Variants in TBC1D5 observed in about 807,000 individuals in gnomAD.
The protein encoded by TBC1D5 is TBC1 domain family, member 5.
In TBC1D5, 75 loss-of-function variants were observed where a neutral mutation model predicts 100.3. The ratio of observed to expected loss-of-function variants is 0.75; its 90% CI spans 0.62 to 0.91. The LOEUF is 0.91. TBC1D5 is among the 40% of genes least tolerant of loss of function. The pLI is 0.00. For synonymous variants in TBC1D5, 323 were observed against 325.6 expected, an observed-to-expected ratio of 0.99 and a Z score of 0.09; for missense variants, 910 against 942.4, an observed-to-expected ratio of 0.97 and a Z score of 0.45.
At chr3:17,446,704 G>A (rs1036579846) in intron 3 of TBC1D5, among the ~76,000 whole-genome samples, 9 of 152,220 alleles carry the variant, frequency 5.9e-5, no homozygotes, top group African/African-American at 2.2e-4. Flanking sequence ...GGGCGCGGTG[G>A]CTCGCGCCTG....
intron 1 of TBC1D5, among the ~76,000 whole-genome samples, chr3:17,656,079 T>A (rs893177242): frequency 3.3e-5 from 5 of 152,220 alleles, no homozygotes; most frequent in African/African-American, 9.7e-5. Context: ...GCCTAGAACA[T>A]CTTTCAGATT....
chr3:17,700,374 C>A (rs2072966691), intron 1 of TBC1D5, among the ~76,000 whole-genome samples: 1 of 152,104 alleles, frequency 6.6e-6, no homozygotes, highest in Non-Finnish European at 1.5e-5. Context: ...ACCATAAAAA[C>A]CCTAGAAGAA....
At chr3:17,405,387 A>G (rs2093744483) in intron 5 of TBC1D5, among the ~76,000 whole-genome samples, 1 of 152,088 alleles carries the variant, frequency 6.6e-6, no homozygotes, top group South Asian at 2.1e-4. Flanking sequence ...TTAGTGAACA[A>G]CAGTCTCACT....
intron 15 of TBC1D5, among the ~76,000 whole-genome samples, chr3:17,274,072 C>T (rs1238230527): frequency 2.7e-5 from 4 of 150,776 alleles, no homozygotes; most frequent in Non-Finnish European, 5.9e-5. Context: ...AAACAGAATG[C>T]TCATATTACC....
chr3:17,396,915 C>T (rs73156373), intron 8 of TBC1D5, among the ~76,000 whole-genome samples: 13,838 of 151,880 alleles, frequency 0.091, 1,407 homozygotes, highest in African/African-American at 0.25. Flanking sequence ...GCTGCTGGGG[C>T]GAGCATAATA....
intron 18 of TBC1D5, among the ~76,000 whole-genome samples, chr3:17,196,665 T>G (rs1045188423): frequency 6.6e-6 from 1 of 152,192 alleles, no homozygotes; most frequent in African/African-American, 2.4e-5. Context: ...GTGAAATACT[T>G]TGGGTATATG....
At chr3:17,625,484 G>C (rs567859043) in intron 1 of TBC1D5, among the ~76,000 whole-genome samples, 2 of 151,530 alleles carry the variant, frequency 1.3e-5, no homozygotes, top group Admixed American at 6.6e-5. Flanking sequence ...ATTTTTTTAA[G>C]GCTGTTAAAA....
intron 15 of TBC1D5, among the ~76,000 whole-genome samples, chr3:17,284,473 T>G (rs1465477235): frequency 6.6e-6 from 1 of 152,192 alleles, no homozygotes; most frequent in Non-Finnish European, 1.5e-5. Flanking sequence ...TTTTCTTGCT[T>G]AATTGTTTAT....
intron 13 of TBC1D5, chr3:17,340,627 A>G (rs890992188): frequency 1.3e-5 from 2 of 152,172 alleles, no homozygotes; most frequent in Non-Finnish European, 2.9e-5. Context: ...AAAAGTATTT[A>G]TTGTTTCATG....
intron 15 of TBC1D5, among the ~76,000 whole-genome samples, chr3:17,259,144 G>A (rs1228589234): frequency 1.3e-5 from 2 of 152,032 alleles, no homozygotes; most frequent in African/African-American, 2.4e-5. Context: ...TTTAATAAAT[G>A]GTCAAAATAT....
chr3:17,520,366 CGAA>C (rs1277650688), intron 2 of TBC1D5, among the ~76,000 whole-genome samples: 1 of 151,516 alleles, frequency 6.6e-6, no homozygotes, highest in Non-Finnish European at 1.5e-5. Context: ...AGAGAAATGA[CGAA>C]GAGAAAGGAA....
chr3:17,230,314 A>G (rs886355144), intron 17 of TBC1D5, among the ~76,000 whole-genome samples: 4 of 152,174 alleles, frequency 2.6e-5, no homozygotes, highest in South Asian at 2.1e-4. Flanking sequence ...CCAGAGAGAA[A>G]GTCACCTCCA....
intron 2 of TBC1D5, among the ~76,000 whole-genome samples, chr3:17,595,010 G>A (rs953816493): frequency 6.6e-6 from 1 of 152,162 alleles, no homozygotes; most frequent in African/African-American, 2.4e-5. Context: ...CTAATCAGCT[G>A]CCAGCACAGC....
chr3:17,430,595 G>T (rs2094432267), intron 3 of TBC1D5, among the ~76,000 whole-genome samples: 1 of 151,792 alleles, frequency 6.6e-6, no homozygotes, highest in African/African-American at 2.4e-5. Flanking sequence ...TTAGAGAAAA[G>T]ATTTCAGAGT....
intron 3 of TBC1D5, among the ~76,000 whole-genome samples, chr3:17,455,559 T>G (rs62245947): frequency 0.51 from 75,992 of 149,130 alleles, 21,381 homozygotes; most frequent in African/African-American, 0.73. Context: ...TATATATAGG[T>G]CTGGTGCAGT....
chr3:17,469,376 A>T (rs2095346463), intron 3 of TBC1D5, among the ~76,000 whole-genome samples: 1 of 152,156 alleles, frequency 6.6e-6, no homozygotes, highest in Non-Finnish European at 1.5e-5. Flanking sequence ...GTAAAAACAG[A>T]GATTTCCCAA....
At chr3:17,330,592 T>C (rs975811993) in intron 13 of TBC1D5, among the ~76,000 whole-genome samples, 2 of 152,094 alleles carry the variant, frequency 1.3e-5, no homozygotes, top group African/African-American at 4.8e-5. Context: ...TCCAATCATC[T>C]CACCTAGAAA....
chr3:17,623,323 C>T (rs905695528), intron 2 of TBC1D5, among the ~76,000 whole-genome samples: 8 of 152,124 alleles, frequency 5.3e-5, no homozygotes, highest in African/African-American at 1.7e-4. Flanking sequence ...TAATGCGTAT[C>T]AGGACAAAAT....
chr3:17,266,356 A>G (rs989677986), intron 15 of TBC1D5, among the ~76,000 whole-genome samples: 1 of 152,160 alleles, frequency 6.6e-6, no homozygotes, highest in Non-Finnish European at 1.5e-5. Context: ...TTGCCTGAAT[A>G]TTATCTAAAT....
Sources: gnomAD v4.1 joint callset for allele counts (sites outside exome capture counted in the v4.1 genomes callset) on GRCh38, gnomAD v4.1.1 for gene constraint, MANE v1.5 for transcripts, NCBI Gene and HGNC (gene_info 2026-07-23, HGNC 2026-07-21) for gene names.